Variants in DENND5B observed in about 807,000 individuals in gnomAD.
The protein encoded by DENND5B is DENN domain containing 5B, also known as DENN domain-containing protein 5B.
DENND5B carries 34 observed loss-of-function variants against 140.6 expected under a neutral mutation model. The ratio of observed to expected loss-of-function variants is 0.24; its 90% CI spans 0.18 to 0.32. The LOEUF is 0.32. DENND5B is among the 10% of genes least tolerant of loss of function. The pLI, the probability that DENND5B is intolerant of heterozygous loss-of-function variation, is 1.00. For synonymous variants in DENND5B, 551 were observed against 562.1 expected (o/e 0.98, Z 0.28); for missense variants, 1,142 against 1,560.2 (o/e 0.73, Z 4.52).
rs1426981607 is a variant in DENND5B, at chr12:31,494,169, TATCTATCTATCTATCCATCCATCC to T, written c.237+1617_237+1640del. ...CTATCTATCTATCTATCTATCTATC[TATCTATCTATCTATCCATCCATCC>T]ATCCATCCACCTACCTACCTACCTA... is the stretch of plus-strand genomic sequence containing the variant. On this transcript the variant is annotated intron_variant, in intron 2 of 20. Transcript: ENST00000389082. Among the ~76,000 whole-genome samples the T allele has an allele frequency of 5.5e-5, 4 of 73,088 alleles. No individual in the cohort carries two copies. In the East Asian group the frequency reaches 1.7e-3, roughly 32 times the overall value. The allele number at this position is 73,088 out of a possible 152,430, so 47.9% of individuals were successfully genotyped here. A position where few individuals can be genotyped will look rare whatever the true frequency, so the allele number is the denominator to read the frequency against.
intron 11 of DENND5B, among the ~76,000 whole-genome samples, chr12:31,418,844 T>C (rs1942891160): frequency 6.6e-6 from 1 of 152,140 alleles, no homozygotes; most frequent in Non-Finnish European, 1.5e-5. Context: ...CTCACTATGT[T>C]GCCCAGGCTG....
chr12:31,409,175 C>T, intron 14 of DENND5B, 88 bp downstream of exon 14: 2 of 1,350,856 alleles, frequency 1.5e-6, no homozygotes, highest in Non-Finnish European at 2.0e-6. Context: ...GTCACATGTA[C>T]TATGGCATAT....
chr12:31,460,088 G>T, intron 4 of DENND5B, 106 bp downstream of exon 4: 1 of 1,137,070 alleles, frequency 8.8e-7, no homozygotes, highest in Non-Finnish European at 1.2e-6. Flanking sequence ...ATTTAGGAGA[G>T]TCAAAGAGAC....
intron 7 of DENND5B, among the ~76,000 whole-genome samples, chr12:31,435,786 G>C (rs941115267): frequency 1.3e-5 from 2 of 151,084 alleles, no homozygotes; most frequent in Non-Finnish European, 3.0e-5. Flanking sequence ...TCAGTCTCCC[G>C]AATAGCTGGG....
intron 11 of DENND5B, among the ~76,000 whole-genome samples, chr12:31,418,017 T>C (rs928495588): frequency 3.3e-5 from 5 of 152,174 alleles, no homozygotes; most frequent in African/African-American, 1.2e-4. Flanking sequence ...CTTTTGACAC[T>C]AGCAGGTATA....
chr12:31,467,421 C>T (rs1488963118), intron 3 of DENND5B, among the ~76,000 whole-genome samples: 1 of 151,722 alleles, frequency 6.6e-6, no homozygotes, highest in Non-Finnish European at 1.5e-5. Flanking sequence ...CCCAGGACTT[C>T]ACGACCAGCC....
Position 31,527,100 on chromosome 12 carries a change from GT to G in DENND5B, c.128-31182del, listed in dbSNP as rs1948111227. ...AATAAGTTACACGGTATGAGAGAGGGTGATATGGAAAAACATGACAGTAAAG... is the reference window on the plus strand; with the variant it reads ...AATAAGTTACACGGTATGAGAGAGGGGATATGGAAAAACATGACAGTAAAG... On this transcript the variant is annotated intron_variant, in intron 1 of 20. Transcript: ENST00000389082. Among the ~76,000 whole-genome samples the G allele has an allele frequency of 3.9e-5, 6 of 152,236 alleles. No individual in the cohort carries two copies. The South Asian group carries it at 1.2e-3, about 32-fold the overall frequency.
At chr12:31,483,648 C>G (rs1404835806) in intron 2 of DENND5B, among the ~76,000 whole-genome samples, 2 of 151,958 alleles carry the variant, frequency 1.3e-5, no homozygotes, top group African/African-American at 2.4e-5. Context: ...CTATGTTGGC[C>G]AGGCTGGTCT....
rs75093906 is a variant in DENND5B at position 31,588,180 on chromosome 12, G to A, written c.127+2526C>T. 5.9e-3 allele frequency among the ~76,000 whole-genome samples: 900 copies of A among 152,212 alleles called. 8 individuals are homozygous for A. The highest frequency in any genetic ancestry group is 7.5e-3 in the Non-Finnish European group (507 of 68,024). ...GGTCTTCGCACTTGCTGTTTCTTCTGCGTGCAATGCTGTGCCCCCAGGTGA... is the reference window on the plus strand; with the variant it reads ...GGTCTTCGCACTTGCTGTTTCTTCTACGTGCAATGCTGTGCCCCCAGGTGA... On this transcript the variant is annotated intron_variant, in intron 1 of 20. Coordinates refer to ENST00000389082, the MANE Select transcript of DENND5B (RefSeq NM_144973.4).
chr12:31,574,219 C>T lies in DENND5B; in HGVS notation c.127+16487G>A, dbSNP rs372039857. ...TCGAGGCTGCAGTGAGCTGTGATCG[C>T]GCCACTGCACTCCAGCATGGGTGAG... is the stretch of plus-strand genomic sequence containing the variant. On this transcript the variant is annotated intron_variant, in intron 1 of 20. Coordinates refer to ENST00000389082, the MANE Select transcript of DENND5B (RefSeq NM_144973.4). Among the ~76,000 whole-genome samples, 55 of 150,378 alleles carry T rather than the reference C, an allele frequency of 3.7e-4. 1 individual carries two copies. In the South Asian group the frequency reaches 0.01, roughly 29 times the overall value.
chr12:31,394,480 A>T (rs558569685), intron 17 of DENND5B, among the ~76,000 whole-genome samples: 18 of 152,216 alleles, frequency 1.2e-4, no homozygotes, highest in African/African-American at 2.9e-4. Flanking sequence ...TTAAATTTTA[A>T]ATCAGCATAA....
rs183905920 is a variant in DENND5B, at chr12:31,475,487, C to A, written c.904+4102G>T. Among the ~76,000 whole-genome samples the A allele has an allele frequency of 1.5e-4, 23 of 152,306 alleles. No individual in the cohort carries two copies. In the East Asian group the frequency reaches 4.2e-3, roughly 28 times the overall value. ...AGGACAAGCTAAGCAGTGGCTCACACCTGTAAACCCTACACTTTGGGAAGC... is the reference window on the plus strand; with the variant it reads ...AGGACAAGCTAAGCAGTGGCTCACAACTGTAAACCCTACACTTTGGGAAGC... On this transcript the variant is annotated intron_variant, in intron 3 of 20. Transcript: ENST00000389082.
chr12:31,581,138 T>C (rs1950198259), intron 1 of DENND5B, among the ~76,000 whole-genome samples: 1 of 152,046 alleles, frequency 6.6e-6, no homozygotes, highest in South Asian at 2.1e-4. Context: ...AAATGTAATA[T>C]TTATTTGTTA....
At chr12:31,524,924 A>G (rs1301385877) in intron 1 of DENND5B, among the ~76,000 whole-genome samples, 1 of 152,022 alleles carries the variant, frequency 6.6e-6, no homozygotes, top group East Asian at 1.9e-4. Flanking sequence ...TTCTTCATCT[A>G]CTAAAATGAT....
intron 3 of DENND5B, among the ~76,000 whole-genome samples, chr12:31,460,877 C>T (rs1944984499): frequency 6.6e-6 from 1 of 151,974 alleles, no homozygotes; most frequent in African/African-American, 2.4e-5. Context: ...AGGCGCCCAC[C>T]ACCACACCAG....
chr12:31,564,647 G>A lies in DENND5B; in HGVS notation c.127+26059C>T, dbSNP rs141187470. ...TCTGTCACCCAGTCTGGAGAGCAGT[G>A]GCGAGATCTCTGCTCACTGCAACCT... On this transcript the variant is annotated intron_variant, in intron 1 of 20. Transcript: ENST00000389082. 4.1e-3 allele frequency among the ~76,000 whole-genome samples: 616 copies of A among 151,302 alleles called. 4 individuals carry two copies. Among genetic ancestry groups the A allele is most frequent in the African/African-American group, 0.014 (563 of 41,244 alleles).
At chr12:31,457,114 C>T (rs932051415) in intron 4 of DENND5B, among the ~76,000 whole-genome samples, 1 of 152,146 alleles carries the variant, frequency 6.6e-6, no homozygotes, top group Non-Finnish European at 1.5e-5. Flanking sequence ...AATCTCAGGG[C>T]AAGATATGAC....
chr12:31,519,660 TTGTC>T (rs1947802974), intron 1 of DENND5B, among the ~76,000 whole-genome samples: 1 of 152,222 alleles, frequency 6.6e-6, no homozygotes, highest in African/African-American at 2.4e-5. Flanking sequence ...CAGTCCATTT[TTGTC>T]TGATCACTGT....
At chr12:31,427,333 G>A (rs1209621172) in intron 8 of DENND5B, among the ~76,000 whole-genome samples, 1 of 152,028 alleles carries the variant, frequency 6.6e-6, no homozygotes, top group African/African-American at 2.4e-5. Context: ...GAGGCCAGGC[G>A]GTGGCTCACG....
Sources: allele counts gnomAD v4.1 joint callset (sites outside exome capture counted in the v4.1 genomes callset), GRCh38; gene constraint gnomAD v4.1.1; transcripts MANE v1.5; gene names NCBI Gene and HGNC (gene_info 2026-07-23, HGNC 2026-07-21).